The following FMNL2 variants were observed in gnomAD, a reference collection of about 807,000 sequenced individuals.
The protein encoded by FMNL2 is formin like 2.
In FMNL2, 51 loss-of-function variants were observed where a neutral mutation model predicts 130.2. The ratio of observed to expected loss-of-function variants is 0.39; its 90% confidence interval spans 0.31 to 0.49. The LOEUF is 0.49. FMNL2 is among the 20% of genes least tolerant of loss of function. The probability of loss-of-function intolerance (pLI) is 0.85; values close to 1 mark genes in which losing one functional copy is unlikely to be tolerated. For synonymous variants in FMNL2, 465 were observed against 467.1 expected, an observed-to-expected ratio of 1.00 and a Z score of 0.06; for missense variants, 977 against 1,316.2, an observed-to-expected ratio of 0.74 and a Z score of 3.99.
At chr2:152,438,182 A>G (rs967904557) in intron 1 of FMNL2, among the ~76,000 whole-genome samples, 1 of 152,258 alleles carries the variant, frequency 6.6e-6, no homozygotes, top group Non-Finnish European at 1.5e-5. Context: ...TACAAGCATT[A>G]GAGAATATAA....
At chr2:152,397,775 T>A (rs1161398226) in intron 1 of FMNL2, among the ~76,000 whole-genome samples, 1 of 152,116 alleles carries the variant, frequency 6.6e-6, no homozygotes, top group Non-Finnish European at 1.5e-5. Context: ...TCTGTAAACT[T>A]CTGATTTGTA....
At chr2:152,537,139 C>G (rs1694035058) in intron 2 of FMNL2, among the ~76,000 whole-genome samples, 1 of 152,182 alleles carries the variant, frequency 6.6e-6, no homozygotes, top group South Asian at 2.1e-4. Flanking sequence ...GTCTGCCTGC[C>G]TGTGTCTAGT....
At chr2:152,396,251 A>G (rs985005960) in intron 1 of FMNL2, among the ~76,000 whole-genome samples, 2 of 152,172 alleles carry the variant, frequency 1.3e-5, no homozygotes, top group African/African-American at 4.8e-5. Context: ...TCTGATTTTC[A>G]TGGGAGGGAA....
intron 1 of FMNL2, among the ~76,000 whole-genome samples, chr2:152,480,633 T>TA (rs58943356): frequency 0.04 from 1,499 of 37,376 alleles, 175 homozygotes; most frequent in Non-Finnish European, 0.057. Flanking sequence ...AGACTCTGTC[T>TA]AAAAAAAAAA....
chr2:152,545,833 G>C (rs550949510), intron 3 of FMNL2, among the ~76,000 whole-genome samples: 8 of 152,296 alleles, frequency 5.3e-5, no homozygotes, highest in South Asian at 4.1e-4. Flanking sequence ...TATTAGAGAA[G>C]TGGACTCCAA....
rs142092361 is a variant in FMNL2 at position 152,460,154 on chromosome 2, G to A, written c.118-61789G>A. On this transcript the variant is annotated intron_variant, in intron 1 of 25. Coordinates refer to ENST00000288670, the MANE Select transcript of FMNL2 (RefSeq NM_052905.4). ...TTTCGCAGTGGGCTCATTTATATAC[G>A]TAGTGGGCATATTATGTTCATTTGG... is the stretch of plus-strand genomic sequence containing the variant. Among the ~76,000 whole-genome samples the A allele has an allele frequency of 4.7e-3, 721 of 152,272 alleles. 6 individuals carry two copies. Among genetic ancestry groups the A allele is most frequent in the African/African-American group, 0.017 (686 of 41,550 alleles).
chr2:152,618,669 A>G (rs1699076577), intron 13 of FMNL2, among the ~76,000 whole-genome samples, 177 bp from the exon 14 acceptor site: 1 of 152,230 alleles, frequency 6.6e-6, no homozygotes, highest in South Asian at 2.1e-4. Context: ...AATATATTAC[A>G]TGCATTACTA....
chr2:152,397,899 G>A (rs774290259), intron 1 of FMNL2, among the ~76,000 whole-genome samples: 87 of 152,148 alleles, frequency 5.7e-4, no homozygotes, highest in African/African-American at 2.0e-3. Context: ...CAAGGCAGGC[G>A]GATCACCTGA....
intron 1 of FMNL2, chr2:152,390,429 A>G (rs1685048339): frequency 2.5e-6 from 3 of 1,185,898 alleles, no homozygotes; most frequent in Non-Finnish European, 3.8e-6. Flanking sequence ...TGACCCTAAG[A>G]TCAATACCAA....
Position 152,335,797 on chromosome 2 carries a change from C to T in FMNL2, c.117+77C>T, listed in dbSNP as rs1252305268. 1.7e-5 allele frequency: 19 copies of T among 1,086,632 alleles called. No homozygotes were observed. In the Middle Eastern group the frequency reaches 1.1e-3, roughly 64 times the overall value. The allele number at this position is 1,086,632 out of a possible 1,614,324, so 67.3% of individuals were successfully genotyped here. A position where few individuals can be genotyped will look rare whatever the true frequency, so the allele number is the denominator to read the frequency against. ...GGCGCAGCTGACCCCCGCCCCTCCC[C>T]TTCACCCCGTGCCGGGAGCGAGCCT... On this transcript the variant is annotated intron_variant, in intron 1 of 25. Coordinates refer to ENST00000288670, the MANE Select transcript of FMNL2 (RefSeq NM_052905.4).
In FMNL2 at chr2:152,648,496, G is replaced by A. The variant is rs75998872; in HGVS notation, c.*591G>A. 885 of 153,502 alleles carry A rather than the reference G, an allele frequency of 5.8e-3. 45 individuals carry two copies. The East Asian group carries it at 0.13, about 22-fold the overall frequency. 9.5% of individuals were successfully genotyped at this position (153,502 alleles called of 1,614,324 possible). On this transcript the variant is annotated 3_prime_UTR_variant, in exon 26 of 26. Transcript: ENST00000288670. ...CACATTCTACTACTTCTGCGCTAGA[G>A]AACGATGCTCTGTGAGAGGCATTCA... is the stretch of plus-strand genomic sequence containing the variant.
At chr2:152,446,298 CAG>C (rs1341603961) in intron 1 of FMNL2, among the ~76,000 whole-genome samples, 2 of 152,084 alleles carry the variant, frequency 1.3e-5, no homozygotes, top group African/African-American at 4.8e-5. Context: ...TTTAGAATAA[CAG>C]AGCACTGTCT....
chr2:152,373,715 AT>A lies in FMNL2; in HGVS notation c.117+38007del, dbSNP rs36050189. Among the ~76,000 whole-genome samples, 481 of 149,294 alleles carry A rather than the reference AT, an allele frequency of 3.2e-3. 2 individuals carry two copies. The highest frequency in any genetic ancestry group is 0.017 in the Middle Eastern group (5 of 286). ...TTTTGGTTTCTGGAACCTTGTGGAAATTTTTTTTTTTTCCTGAATATTTTGT... is the reference window on the plus strand; with the variant it reads ...TTTTGGTTTCTGGAACCTTGTGGAAATTTTTTTTTTTCCTGAATATTTTGT... On this transcript the variant is annotated intron_variant, in intron 1 of 25. Transcript: ENST00000288670.
chr2:152,430,918 A>G (rs1176585697), intron 1 of FMNL2, among the ~76,000 whole-genome samples: 1 of 152,064 alleles, frequency 6.6e-6, no homozygotes, highest in Non-Finnish European at 1.5e-5. Flanking sequence ...TTCTGGAATT[A>G]TGCCCTCCCC....
At chr2:152,489,056 G>A (rs1188442876) in intron 1 of FMNL2, among the ~76,000 whole-genome samples, 1 of 152,170 alleles carries the variant, frequency 6.6e-6, no homozygotes, top group African/African-American at 2.4e-5. Context: ...GAGCAACAGC[G>A]AGACCCTGTC....
intron 1 of FMNL2, among the ~76,000 whole-genome samples, chr2:152,420,573 A>T (rs1293985762): frequency 6.6e-6 from 1 of 152,152 alleles, no homozygotes; most frequent in African/African-American, 2.4e-5. Context: ...GCACTGGGGC[A>T]TTGGGTATCA....
chr2:152,592,383 A>G (rs1697488518), intron 9 of FMNL2, among the ~76,000 whole-genome samples: 1 of 152,166 alleles, frequency 6.6e-6, no homozygotes, highest in African/African-American at 2.4e-5. Flanking sequence ...TGAAATTTAA[A>G]CTCTTGTAAA....
rs74808842 is a variant in FMNL2, at chr2:152,395,704, G to A, written c.117+59984G>A. Among the ~76,000 whole-genome samples the A allele has an allele frequency of 9.2e-3, 1,402 of 152,276 alleles. 21 individuals carry two copies. The highest frequency in any genetic ancestry group is 0.032 in the African/African-American group (1,334 of 41,552). On this transcript the variant is annotated intron_variant, in intron 1 of 25. Coordinates refer to ENST00000288670, the MANE Select transcript of FMNL2 (RefSeq NM_052905.4). Reference sequence around the variant, plus strand: ...CAGGCTCACATGAAATTGAGAGGACGGTTTGGAAATCTCCTTGAATTTCTT... The same window carrying A: ...CAGGCTCACATGAAATTGAGAGGACAGTTTGGAAATCTCCTTGAATTTCTT...
intron 1 of FMNL2, among the ~76,000 whole-genome samples, chr2:152,386,463 C>A (rs1199099617): frequency 1.3e-5 from 2 of 152,224 alleles, no homozygotes; most frequent in African/African-American, 4.8e-5. Flanking sequence ...TTAAATACCT[C>A]TTCACTTGGA....
Sources: gnomAD v4.1 joint callset for allele counts (sites outside exome capture counted in the v4.1 genomes callset) on GRCh38, gnomAD v4.1.1 for gene constraint, MANE v1.5 for transcripts, NCBI Gene and HGNC (gene_info 2026-07-23, HGNC 2026-07-21) for gene names.